Variants in TINAG observed in about 807,000 individuals in gnomAD.
The protein encoded by TINAG is tubulointerstitial nephritis antigen.
TINAG carries 83 observed loss-of-function variants against 72.7 expected under a neutral mutation model. That is an observed-to-expected ratio of 1.14 (90% CI 0.96 to 1.37). The LOEUF is 1.37. Ranked by LOEUF, TINAG falls within the 40% of genes most tolerant of loss-of-function variation. The probability of loss-of-function intolerance (pLI) is 0.00; values close to 1 mark genes in which losing one functional copy is unlikely to be tolerated. For synonymous variants in TINAG, 234 were observed against 189.9 expected, an observed-to-expected ratio of 1.23 and a Z score of -1.91; for missense variants, 685 against 576.6, an observed-to-expected ratio of 1.19 and a Z score of -1.93.
Position 54,377,513 on chromosome 6 carries a change from G to GAAATAAAT in TINAG, c.1251-2998_1251-2991dup, listed in dbSNP as rs58647495. ...GGCAACAGGGTGAGACTCGGTCTCA[G>GAAATAAAT]AAATAAATAAATAAATAAATAAGAA... On this transcript the variant is annotated intron_variant, in intron 9 of 10. Coordinates refer to ENST00000259782, the MANE Select transcript of TINAG (RefSeq NM_014464.4). Among the ~76,000 whole-genome samples the GAAATAAAT allele has an allele frequency of 2.9e-3, 446 of 151,210 alleles. 2 individuals carry two copies. Among genetic ancestry groups the GAAATAAAT allele is most frequent in the African/African-American group, 9.6e-3 (396 of 41,162 alleles).
chr6:54,386,215 A>G (rs577164137), intron 10 of TINAG, among the ~76,000 whole-genome samples: 1 of 152,236 alleles, frequency 6.6e-6, no homozygotes, highest in South Asian at 2.1e-4. Flanking sequence ...GGTGCAGAAA[A>G]TGCATTAATA....
At chr6:54,337,246 ATTTTTT>A (rs34286210) in intron 4 of TINAG, among the ~76,000 whole-genome samples, 107 of 94,080 alleles carry the variant, frequency 1.1e-3, no homozygotes, top group African/African-American at 4.0e-3. Context: ...TGGGATTTGA[ATTTTTT>A]TTTTTTTTTT....
intron 4 of TINAG, among the ~76,000 whole-genome samples, chr6:54,327,878 C>T (rs1256647553): frequency 7.9e-5 from 12 of 152,290 alleles, no homozygotes; most frequent in Admixed American, 2.6e-4. Context: ...GAGCTCACCA[C>T]AGCACAGCAA....
At chr6:54,381,047 CAT>C (rs1554210342) in intron 10 of TINAG, among the ~76,000 whole-genome samples, 3 of 145,324 alleles carry the variant, frequency 2.1e-5, no homozygotes, top group African/African-American at 5.1e-5. Flanking sequence ...ATGTTAGTAT[CAT>C]ATATATATAC....
At chr6:54,370,747 G>A (rs1763577955) in intron 9 of TINAG, among the ~76,000 whole-genome samples, 1 of 152,008 alleles carries the variant, frequency 6.6e-6, no homozygotes, top group Non-Finnish European at 1.5e-5. Context: ...AGGGCCCTGG[G>A]GATGTTGAAA....
At chr6:54,368,006 C>T (rs917815153) in intron 9 of TINAG, among the ~76,000 whole-genome samples, 1 of 151,536 alleles carries the variant, frequency 6.6e-6, no homozygotes, top group Middle Eastern at 3.2e-3. Flanking sequence ...CCAAAGACCC[C>T]ACCTCCTAAT....
At chr6:54,370,338 G>C (rs529139177) in intron 9 of TINAG, among the ~76,000 whole-genome samples, 1 of 151,878 alleles carries the variant, frequency 6.6e-6, no homozygotes, top group Non-Finnish European at 1.5e-5. Context: ...AAGATTACAT[G>C]AAGGCTAAGA....
rs1174402340 is a variant in TINAG, at chr6:54,309,773, G to A, written c.355+868G>A. 1.3e-5 allele frequency among the ~76,000 whole-genome samples: 2 copies of A among 151,268 alleles called. 1 individual carries two copies. The highest frequency in any genetic ancestry group is 1.3e-4 in the Admixed American group (2 of 15,156). The stretch of plus-strand genomic sequence containing the variant: ...AAATCCCAGTTAGAAGACATTTTAG[G>A]GTAAACTAGGGGCTTGGAATCCTTA... On this transcript the variant is annotated intron_variant, in intron 1 of 10. Coordinates refer to ENST00000259782, the MANE Select transcript of TINAG (RefSeq NM_014464.4).
At chr6:54,327,191 G>A in intron 4 of TINAG, 1 of 1,538,680 alleles carries the variant, frequency 6.5e-7, no homozygotes. Flanking sequence ...GCTCTGGTTG[G>A]CAGCTCCCAG....
At chr6:54,360,259 A>T (rs915678444) in intron 9 of TINAG, among the ~76,000 whole-genome samples, 2 of 151,476 alleles carry the variant, frequency 1.3e-5, no homozygotes, top group Non-Finnish European at 3.0e-5. Flanking sequence ...CCTTTCAATA[A>T]CTCTGTCATC....
intron 9 of TINAG, among the ~76,000 whole-genome samples, chr6:54,356,237 A>G (rs1763038697): frequency 6.6e-6 from 1 of 151,858 alleles, no homozygotes; most frequent in African/African-American, 2.4e-5. Context: ...AGAAGATAGT[A>G]AAAAATACCA....
chr6:54,363,129 A>T (rs570050921), intron 9 of TINAG, among the ~76,000 whole-genome samples: 14 of 151,726 alleles, frequency 9.2e-5, no homozygotes, highest in African/African-American at 3.4e-4. Flanking sequence ...AGAAGACTAC[A>T]CAACACTGTG....
At chr6:54,365,536 A>G (rs550811505) in intron 9 of TINAG, 1 of 151,556 alleles carries the variant, frequency 6.6e-6, no homozygotes, top group Admixed American at 6.6e-5. Flanking sequence ...ACAATGAAGA[A>G]GAGCATAAGG....
chr6:54,362,219 AG>A (rs1197466910), intron 9 of TINAG, among the ~76,000 whole-genome samples: 3 of 151,724 alleles, frequency 2.0e-5, no homozygotes. Context: ...TTATAGCTAA[AG>A]ATGAGACATC....
At chr6:54,328,878 T>C (rs529118832) in intron 4 of TINAG, among the ~76,000 whole-genome samples, 1 of 151,144 alleles carries the variant, frequency 6.6e-6, no homozygotes, top group East Asian at 2.0e-4. Flanking sequence ...ATATGAGAGA[T>C]TGAAGATCAA....
At chr6:54,366,808 A>T (rs1763438658) in intron 9 of TINAG, among the ~76,000 whole-genome samples, 1 of 151,682 alleles carries the variant, frequency 6.6e-6, no homozygotes, top group Non-Finnish European at 1.5e-5. Context: ...AGTATTAAGG[A>T]TATATGAAAA....
At chr6:54,376,434 T>G (rs1468187397) in intron 9 of TINAG, among the ~76,000 whole-genome samples, 1 of 152,120 alleles carries the variant, frequency 6.6e-6, no homozygotes, top group Non-Finnish European at 1.5e-5. Flanking sequence ...GAATATAAAT[T>G]TTGCTTTAAT....
At position 54,334,123 on chromosome 6, in the gene TINAG, G is replaced by A. The variant is rs149729216; in HGVS notation, c.624+7207G>A. On this transcript the variant is annotated intron_variant, in intron 4 of 10. Transcript: ENST00000259782. Reference sequence around the variant, plus strand: ...CAAACCTGTTACTCACAAATCTGCCGTGTTACCACCCAATGTGTGGTGTTC... The same window carrying A: ...CAAACCTGTTACTCACAAATCTGCCATGTTACCACCCAATGTGTGGTGTTC... 9.7e-4 allele frequency among the ~76,000 whole-genome samples: 147 copies of A among 152,184 alleles called. 1 individual carries two copies. The highest frequency in any genetic ancestry group is 3.5e-3 in the African/African-American group (145 of 41,530).
intron 4 of TINAG, among the ~76,000 whole-genome samples, chr6:54,342,985 C>A (rs539345035): frequency 3.5e-4 from 54 of 152,192 alleles, no homozygotes; most frequent in African/African-American, 1.3e-3. Flanking sequence ...TGTGCAGTAA[C>A]CCAGTAAAAC....
Sources: gnomAD v4.1 joint callset for allele counts (sites outside exome capture counted in the v4.1 genomes callset) on GRCh38, gnomAD v4.1.1 for gene constraint, MANE v1.5 for transcripts, NCBI Gene and HGNC (gene_info 2026-07-23, HGNC 2026-07-21) for gene names.